ABCA13: variants seen among roughly 807,000 people sequenced by gnomAD.
ABCA13 encodes the protein ATP binding cassette subfamily A member 13, also known as ATP-binding cassette sub-family A member 13.
In ABCA13, 476 loss-of-function variants were observed where a neutral mutation model predicts 478.7. The ratio of observed to expected loss-of-function variants is 0.99; its 90% CI spans 0.92 to 1.07. The LOEUF is 1.07. Ranked by LOEUF, ABCA13 falls within the 50% of genes least tolerant of loss-of-function variation. ABCA13 has a pLI of 0.00. For synonymous variants in ABCA13, 2,252 were observed against 2,158.9 expected (o/e 1.04, Z -1.20); for missense variants, 6,060 against 5,910.6 (o/e 1.03, Z -0.83).
chr7:48,513,219 CCCG>C (rs1446631967), intron 51 of ABCA13, among the ~76,000 whole-genome samples: 4 of 152,274 alleles, frequency 2.6e-5, no homozygotes, highest in Admixed American at 1.3e-4. Context: ...AAAGCTGAAT[CCCG>C]AGCTGAAACC....
chr7:48,279,510 G>A lies in ABCA13; in HGVS notation c.8316G>A (p.Leu2772=), dbSNP rs777644896. The change falls in exon 18 of 62, where the codon TTG becomes TTA. Residue 2772 remains leucine, a synonymous_variant. Coordinates refer to ENST00000435803, the MANE Select transcript of ABCA13 (RefSeq NM_152701.5). ...TTACTCAGCATCCAAATAACCTTTT[G>A]AAAACCATAGAAACAGTTTTAGAGG... ...MTFTQHPNNL[L]KTIETVLEAS... is the part of the protein sequence containing the mutation. The A allele has an allele frequency of 6.2e-7, 1 of 1,613,194 alleles. No individual in the cohort carries two copies.
intron 52 of ABCA13, among the ~76,000 whole-genome samples, chr7:48,518,037 G>T (rs1832262025): frequency 6.6e-6 from 1 of 152,216 alleles, no homozygotes; most frequent in Non-Finnish European, 1.5e-5. Context: ...GATAGAAGCA[G>T]TGAACTCTGT....
intron 8 of ABCA13, among the ~76,000 whole-genome samples, chr7:48,238,352 A>ATCTCTTAAAGATGGCATTATAAT (rs1286392572): frequency 6.6e-6 from 1 of 152,190 alleles, no homozygotes; most frequent in Non-Finnish European, 1.5e-5. Flanking sequence ...CACCAACAGA[A>ATCTCTTAAAGATGGCATTATAAT]TCTCTTAAAG....
At chr7:48,321,728 G>C (rs1803501708) in intron 27 of ABCA13, among the ~76,000 whole-genome samples, 1 of 152,192 alleles carries the variant, frequency 6.6e-6, no homozygotes, top group Admixed American at 6.5e-5. Context: ...CCTAGGCCAG[G>C]CTGGCAGAGG....
chr7:48,587,019 G>A, intron 56 of ABCA13, 135 bp from the exon 57 acceptor site: 1 of 1,181,456 alleles, frequency 8.5e-7, no homozygotes, highest in South Asian at 1.5e-5. Flanking sequence ...GGATGTTTCA[G>A]GAGATGTACT....
At position 48,222,657 on chromosome 7, in the gene ABCA13, C is replaced by T. The variant is rs550444039; in HGVS notation, c.468+1348C>T. On this transcript the variant is annotated intron_variant, in intron 5 of 61. Transcript: ENST00000435803. ...AAGCAGAGGACAGTATCATATCCAT[C>T]GTATGTTTGCGATGTAAAAACATTT... is the stretch of plus-strand genomic sequence containing the variant. Among the ~76,000 whole-genome samples the T allele has an allele frequency of 9.9e-5, 15 of 152,052 alleles. 1 individual carries two copies. The South Asian group carries it at 2.3e-3, about 23-fold the overall frequency.
intron 15 of ABCA13, among the ~76,000 whole-genome samples, chr7:48,267,732 A>G (rs1795054909): frequency 6.6e-6 from 1 of 152,206 alleles, no homozygotes; most frequent in Non-Finnish European, 1.5e-5. Context: ...TATGTGATTA[A>G]TGTTCCCTTC....
At chr7:48,378,464 C>G (rs1414139285) in intron 35 of ABCA13, among the ~76,000 whole-genome samples, 6 of 152,192 alleles carry the variant, frequency 3.9e-5, no homozygotes, top group Admixed American at 1.3e-4. Flanking sequence ...CCTTGGCCAT[C>G]TGAACCATGC....
intron 5 of ABCA13, among the ~76,000 whole-genome samples, chr7:48,223,365 A>G (rs569363477): frequency 4.2e-4 from 64 of 152,240 alleles, no homozygotes; most frequent in African/African-American, 1.5e-3. Flanking sequence ...CAAGGTCATC[A>G]AGGGAGAGTG....
At chr7:48,303,101 T>C (rs543968559) in intron 23 of ABCA13, among the ~76,000 whole-genome samples, 1 of 152,202 alleles carries the variant, frequency 6.6e-6, no homozygotes, top group African/African-American at 2.4e-5. Context: ...ATATTGAGAT[T>C]TTTTTCATAT....
Position 48,416,181 on chromosome 7 carries a change from GATAA to G in ABCA13, c.12459+3601_12459+3604del, listed in dbSNP as rs1819950914. 2.0e-5 allele frequency among the ~76,000 whole-genome samples: 3 copies of G among 152,166 alleles called. 1 individual carries two copies. In the South Asian group the frequency reaches 6.2e-4, roughly 32 times the overall value. Reference sequence around the variant, plus strand: ...ATAAGTGTTATTTTAGTAAAAACTAGATAAATCAATGTAAAAATCTACTTAGACA... The same window carrying G: ...ATAAGTGTTATTTTAGTAAAAACTAGATCAATGTAAAAATCTACTTAGACA... On this transcript the variant is annotated intron_variant, in intron 41 of 61. Coordinates refer to ENST00000435803, the MANE Select transcript of ABCA13 (RefSeq NM_152701.5).
At chr7:48,362,722 G>GT (rs1442612576) in intron 31 of ABCA13, among the ~76,000 whole-genome samples, 2 of 151,032 alleles carry the variant, frequency 1.3e-5, no homozygotes, top group African/African-American at 2.4e-5. Flanking sequence ...ATAAACCCTT[G>GT]TTTTTTTATC....
intron 40 of ABCA13, among the ~76,000 whole-genome samples, chr7:48,411,069 CT>C (rs1327921882): frequency 9.0e-6 from 1 of 111,564 alleles, no homozygotes; most frequent in South Asian, 2.8e-4. Flanking sequence ...TTCTTTCTTT[CT>C]TTTTCTTTCT....
chr7:48,292,867 G>A (rs1161498053), intron 20 of ABCA13, among the ~76,000 whole-genome samples: 1 of 152,174 alleles, frequency 6.6e-6, no homozygotes, highest in African/African-American at 2.4e-5. Flanking sequence ...TTTGTCTCCT[G>A]TGTTCATAGC....
chr7:48,500,894 C>T (rs559634943), intron 48 of ABCA13, among the ~76,000 whole-genome samples: 7 of 152,314 alleles, frequency 4.6e-5, no homozygotes, highest in African/African-American at 1.7e-4. Flanking sequence ...GGACATAGTC[C>T]TGTGAGTGGG....
chr7:48,274,196 C>T lies in ABCA13; in HGVS notation c.4530C>T (p.Asp1510=). 6.2e-7 allele frequency: 1 copy of T among 1,612,446 alleles called. No individual in the cohort carries two copies. Among genetic ancestry groups the T allele is most frequent in the Non-Finnish European group, 8.5e-7 (1 of 1,179,062 alleles). The change falls in exon 17 of 62, where the codon GAC becomes GAT. Residue 1510 remains aspartate, a synonymous_variant. Coordinates refer to ENST00000435803, the MANE Select transcript of ABCA13 (RefSeq NM_152701.5). ...VRMSINNLTT[D]FDFASQSNWR... ...TGAGTATCAACAACTTAACAACAGACTTTGATTTTGCATCTCAGTCCAATT... is the reference window on the plus strand; with the variant it reads ...TGAGTATCAACAACTTAACAACAGATTTTGATTTTGCATCTCAGTCCAATT...
At chr7:48,413,942 C>A (rs1040929697) in intron 41 of ABCA13, among the ~76,000 whole-genome samples, 3 of 152,148 alleles carry the variant, frequency 2.0e-5, no homozygotes, top group Non-Finnish European at 4.4e-5. Flanking sequence ...TCTACTTAGA[C>A]CTAGGGTTTC....
At chr7:48,408,252 C>T (rs1186628649) in intron 39 of ABCA13, among the ~76,000 whole-genome samples, 1 of 152,168 alleles carries the variant, frequency 6.6e-6, no homozygotes, top group Non-Finnish European at 1.5e-5. Context: ...TGCTCCCTGC[C>T]CCGCCAGCTC....
intron 27 of ABCA13, among the ~76,000 whole-genome samples, chr7:48,330,485 G>GTCCGTCCA (rs1554447447): frequency 5.9e-5 from 8 of 134,856 alleles, no homozygotes; most frequent in African/African-American, 1.4e-4. Flanking sequence ...CCATCCATCC[G>GTCCGTCCA]TCCATCCATC....
Sources: gnomAD v4.1 joint callset for allele counts (sites outside exome capture counted in the v4.1 genomes callset) on GRCh38, gnomAD v4.1.1 for gene constraint, MANE v1.5 for transcripts, NCBI Gene and HGNC (gene_info 2026-07-23, HGNC 2026-07-21) for gene names.